XDH: variants seen among roughly 807,000 people sequenced by gnomAD.
XDH encodes the protein xanthine dehydrogenase/oxidase.
A neutral mutation model predicts 156.1 loss-of-function variants in XDH; 138 were observed. The observed-to-expected ratio is 0.88, with a 90% CI of 0.77 to 1.02. XDH has a LOEUF of 1.02. XDH is among the 50% of genes least tolerant of loss of function. The pLI, the probability that XDH is intolerant of heterozygous loss-of-function variation, is 0.00. For synonymous variants in XDH, 669 were observed against 625.7 expected, an observed-to-expected ratio of 1.07 and a Z score of -1.03; for missense variants, 1,849 against 1,684.9, an observed-to-expected ratio of 1.10 and a Z score of -1.71.
chr2:31,341,303 A>T (rs1177124491), intron 33 of XDH, 26 bp downstream of exon 33: 1 of 1,556,406 alleles, frequency 6.4e-7, no homozygotes, highest in Non-Finnish European at 8.7e-7. Context: ...CAAGTCTGTC[A>T]CCACCCTGGT....
At chr2:31,414,019 C>T (rs1187758765) in intron 1 of XDH, among the ~76,000 whole-genome samples, 1 of 151,970 alleles carries the variant, frequency 6.6e-6, no homozygotes, top group Non-Finnish European at 1.5e-5. Context: ...GTAGAACTCA[C>T]TGTGTGTGGG....
intron 27 of XDH, 137 bp from the exon 28 acceptor site, chr2:31,348,500 G>A (rs1685364776): frequency 2.6e-6 from 2 of 769,900 alleles, no homozygotes; most frequent in South Asian, 1.5e-5. Context: ...AATTATGGCA[G>A]TATGAATCTC....
chr2:31,383,875 T>A (rs200130912), intron 9 of XDH, 28 bp from the exon 10 acceptor site: 1 of 1,606,212 alleles, frequency 6.2e-7, no homozygotes, highest in East Asian at 2.2e-5. Context: ...GCTGAAGTTG[T>A]AGGCCCATTG....
At position 31,407,111 on chromosome 2, in the gene XDH, T is replaced by A. The variant is rs572373075; in HGVS notation, c.43-1147A>T. Among the ~76,000 whole-genome samples the A allele has an allele frequency of 2.6e-5, 4 of 152,340 alleles. No homozygotes were observed. The South Asian group carries it at 8.3e-4, about 32-fold the overall frequency. On this transcript the variant is annotated intron_variant, in intron 1 of 35. Transcript: ENST00000379416. ...AGGTTTTCGTTGGAGGGAACTATACTACCCACACCTTCCTAAAGGAGAAGG... is the reference window on the plus strand; with the variant it reads ...AGGTTTTCGTTGGAGGGAACTATACAACCCACACCTTCCTAAAGGAGAAGG...
chr2:31,344,886 ACT>A, intron 30 of XDH, 150 bp from the exon 31 acceptor site: 1 of 777,624 alleles, frequency 1.3e-6, no homozygotes, highest in Non-Finnish European at 2.2e-6. Flanking sequence ...TTACATTGTC[ACT>A]GGCACCACCT....
At chr2:31,377,766 C>T (rs866072450) in intron 13 of XDH, among the ~76,000 whole-genome samples, 5 of 151,618 alleles carry the variant, frequency 3.3e-5, no homozygotes, top group African/African-American at 9.7e-5. Flanking sequence ...CAGTGGCTCA[C>T]GTCTGTAATC....
chr2:31,343,418 T>C (rs1325249864), intron 31 of XDH, among the ~76,000 whole-genome samples: 3 of 144,490 alleles, frequency 2.1e-5, no homozygotes, highest in African/African-American at 5.1e-5. Flanking sequence ...ATATATGGCA[T>C]AGAAATGTTT....
chr2:31,364,008 T>C, intron 24 of XDH, 150 bp downstream of exon 24: 2 of 692,270 alleles, frequency 2.9e-6, no homozygotes, highest in Non-Finnish European at 5.2e-6. Context: ...CTATAGAGAT[T>C]AATCGAGGAT....
At chr2:31,337,321 T>C (rs1363108396) in intron 35 of XDH, among the ~76,000 whole-genome samples, 1 of 152,156 alleles carries the variant, frequency 6.6e-6, no homozygotes, top group Non-Finnish European at 1.5e-5. Context: ...TACTAAAGAT[T>C]AGGCTCTCTG....
intron 23 of XDH, 146 bp from the exon 24 acceptor site, chr2:31,364,390 G>A: frequency 6.3e-6 from 5 of 796,604 alleles, no homozygotes; most frequent in South Asian, 6.0e-5. Flanking sequence ...GTGACCTTCA[G>A]AAGTCACCAG....
intron 24 of XDH, among the ~76,000 whole-genome samples, chr2:31,359,489 T>G (rs1685716771): frequency 6.6e-6 from 1 of 152,174 alleles, no homozygotes; most frequent in Non-Finnish European, 1.5e-5. Context: ...TCAAAGATGT[T>G]TTTTTCCAAC....
intron 33 of XDH, 100 bp downstream of exon 33, chr2:31,341,229 A>G: frequency 8.2e-7 from 1 of 1,224,260 alleles, no homozygotes; most frequent in Non-Finnish European, 1.2e-6. Context: ...GCCTGTTTGA[A>G]GACAACCTTG....
At chr2:31,396,797 C>G (rs1260239510) in intron 6 of XDH, among the ~76,000 whole-genome samples, 6 of 152,226 alleles carry the variant, frequency 3.9e-5, no homozygotes, top group African/African-American at 7.2e-5. Context: ...AATTCTTCAT[C>G]AGCAGCAGCA....
intron 3 of XDH, 83 bp from the exon 4 acceptor site, chr2:31,401,411 T>A: frequency 1.4e-6 from 2 of 1,425,108 alleles, no homozygotes; most frequent in Non-Finnish European, 2.0e-6. Context: ...TGGAGGACTT[T>A]GTGAGGCTTT....
intron 13 of XDH, among the ~76,000 whole-genome samples, chr2:31,377,701 C>G (rs1310667989): frequency 1.3e-5 from 2 of 152,108 alleles, no homozygotes; most frequent in Non-Finnish European, 2.9e-5. Context: ...TCTAACCTGC[C>G]TCTCCCACCA....
rs750210135 is a variant in XDH, at chr2:31,348,230, TAAC to T, written c.3147+35_3147+37del. The T allele has an allele frequency of 1.7e-5, 28 of 1,604,808 alleles. No individual in the cohort carries two copies. The South Asian group carries it at 3.1e-4, about 18-fold the overall frequency. On this transcript the variant is annotated intron_variant, in intron 28 of 35. Coordinates refer to ENST00000379416, the MANE Select transcript of XDH (RefSeq NM_000379.4). ...GCTCAATTTCTTATACCACTTCCTC[TAAC>T]AACGGACACAACACTGCCAGAGAGG...
chr2:31,366,723 A>T, intron 21 of XDH, 147 bp downstream of exon 21: 1 of 1,282,336 alleles, frequency 7.8e-7, no homozygotes, highest in Non-Finnish European at 1.1e-6. Flanking sequence ...TTGTTGGTGA[A>T]AGAGTCTGGC....
At position 31,342,422 on chromosome 2, in the gene XDH, A is replaced by G. The variant is rs540086066; in HGVS notation, c.3405-125T>C. ...AGTTTTTGCATTCAGCTGTTCTCCAAAAAAGTCCATGGTTTGAACAATTTG... is the reference window on the plus strand; with the variant it reads ...AGTTTTTGCATTCAGCTGTTCTCCAGAAAAGTCCATGGTTTGAACAATTTG... On this transcript the variant is annotated intron_variant, in intron 31 of 35. Transcript: ENST00000379416. 171 of 815,512 alleles carry G rather than the reference A, an allele frequency of 2.1e-4. No homozygotes were observed. In the East Asian group the frequency reaches 4.2e-3, roughly 20 times the overall value. The allele number at this position is 815,512 out of a possible 1,614,324, so 50.5% of individuals were successfully genotyped here.
intron 28 of XDH, 147 bp downstream of exon 28, chr2:31,348,119 GAA>G (rs1685351024): frequency 2.4e-6 from 2 of 824,034 alleles, no homozygotes; most frequent in African/African-American, 3.4e-5. Flanking sequence ...TCAAGTGGGG[GAA>G]AAGACTTGCC....
Sources: gnomAD v4.1 joint callset for allele counts (sites outside exome capture counted in the v4.1 genomes callset) on GRCh38, gnomAD v4.1.1 for gene constraint, MANE v1.5 for transcripts, NCBI Gene and HGNC (gene_info 2026-07-23, HGNC 2026-07-21) for gene names.